Variants in LRRC7 observed in about 807,000 individuals in gnomAD.
LRRC7 encodes leucine rich repeat containing 7, also known as leucine-rich repeat-containing protein 7.
Under a neutral mutation model 175.7 loss-of-function variants are expected in LRRC7, and 23 were observed. The ratio of observed to expected loss-of-function variants is 0.13; its 90% CI spans 0.09 to 0.19. The LOEUF is 0.19. Ranked by LOEUF, LRRC7 falls within the 10% of genes least tolerant of loss-of-function variation. The probability of loss-of-function intolerance (pLI) is 1.00; values close to 1 mark genes in which losing one functional copy is unlikely to be tolerated. For missense variants in LRRC7, 1,354 were observed against 1,904.7 expected (o/e 0.71, Z 5.38); for synonymous variants, 685 against 680.9 (o/e 1.01, Z -0.09).
At chr1:69,597,016 A>AT (rs1003114279) in intron 1 of LRRC7, among the ~76,000 whole-genome samples, 17 of 152,334 alleles carry the variant, frequency 1.1e-4, no homozygotes, top group African/African-American at 3.4e-4. Flanking sequence ...TTAACTGATG[A>AT]TTTTATATAA....
chr1:69,987,788 C>T (rs1654073421), intron 10 of LRRC7, among the ~76,000 whole-genome samples: 1 of 152,124 alleles, frequency 6.6e-6, no homozygotes, highest in Non-Finnish European at 1.5e-5. Flanking sequence ...AAATTGTGGT[C>T]CATCGTTTCT....
At chr1:69,873,879 G>C (rs1348573205) in intron 7 of LRRC7, 1 of 152,894 alleles carries the variant, frequency 6.5e-6, no homozygotes, top group African/African-American at 2.4e-5. Context: ...TTATGTTAAG[G>C]TGCTTTTGTG....
chr1:69,713,075 A>C (rs1349429510), intron 2 of LRRC7, among the ~76,000 whole-genome samples: 1 of 152,196 alleles, frequency 6.6e-6, no homozygotes, highest in Non-Finnish European at 1.5e-5. Flanking sequence ...TATTTTTAAG[A>C]TATCACTTTC....
intron 3 of LRRC7, among the ~76,000 whole-genome samples, chr1:69,776,385 G>A (rs562026578): frequency 6.6e-6 from 1 of 152,242 alleles, no homozygotes; most frequent in South Asian, 2.1e-4. Context: ...AATGATAGTT[G>A]CACTTTCCAG....
intron 20 of LRRC7, 42 bp from the exon 21 acceptor site, chr1:70,038,071 C>T: frequency 1.3e-6 from 2 of 1,547,690 alleles, no homozygotes; most frequent in Non-Finnish European, 1.7e-6. Flanking sequence ...AAAGACCCAA[C>T]TCTTCGTCCT....
At chr1:69,660,608 A>G (rs555007794) in intron 1 of LRRC7, among the ~76,000 whole-genome samples, 10 of 152,238 alleles carry the variant, frequency 6.6e-5, no homozygotes, top group Non-Finnish European at 1.3e-4. Context: ...CCCCTGAAAA[A>G]GTAACATTTG....
At chr1:69,976,935 C>T (rs1225933173) in intron 8 of LRRC7, among the ~76,000 whole-genome samples, 3 of 143,056 alleles carry the variant, frequency 2.1e-5, no homozygotes, top group Admixed American at 1.4e-4. Flanking sequence ...ATTCTCTAAG[C>T]TTCAGATTTT....
chr1:69,796,584 A>G (rs1159696257), intron 4 of LRRC7, among the ~76,000 whole-genome samples: 1 of 152,092 alleles, frequency 6.6e-6, no homozygotes, highest in Non-Finnish European at 1.5e-5. Context: ...CGGGAGTTCG[A>G]GACCAGCCTA....
At position 69,568,536 on chromosome 1, in the gene LRRC7, C is replaced by A; in HGVS notation, c.-104C>A. The A allele has an allele frequency of 8.7e-7, 1 of 1,145,244 alleles. No homozygotes were observed. Among genetic ancestry groups the A allele is most frequent in the Non-Finnish European group, 1.2e-6 (1 of 850,270 alleles). 70.9% of individuals were successfully genotyped at this position (1,145,244 alleles called of 1,614,324 possible). A position where few individuals can be genotyped will look rare whatever the true frequency, so the allele number is the denominator to read the frequency against. On this transcript the variant is annotated 5_prime_UTR_variant, in exon 1 of 27. In the 5' UTR this introduces an upstream ATG that the reference lacks. Transcript: ENST00000651989. ...TCCCTCCTCTTCTCCTCCGAAGACC[C>A]TGGCGCCCACTCCACTGCGGACCCC...
rs535028708 is a variant in LRRC7, at chr1:69,779,031, TACAC to T, written c.304-12998_304-12995del. Among the ~76,000 whole-genome samples the T allele has an allele frequency of 1.2e-3, 174 of 143,540 alleles. 1 individual carries two copies. The highest frequency in any genetic ancestry group is 4.0e-3 in the African/African-American group (160 of 39,888). The allele number at this position is 143,540 out of a possible 152,430, so 94.2% of individuals were successfully genotyped here. On this transcript the variant is annotated intron_variant, in intron 3 of 26. Coordinates refer to ENST00000651989, the MANE Select transcript of LRRC7 (RefSeq NM_001370785.2). ...ACACACACACAAACATATATATATA[TACAC>T]ACACACACACACAGATACATACACA...
At chr1:69,734,362 T>C (rs1667891396) in intron 2 of LRRC7, among the ~76,000 whole-genome samples, 1 of 151,886 alleles carries the variant, frequency 6.6e-6, no homozygotes, top group African/African-American at 2.4e-5. Flanking sequence ...CTCTTAGAAA[T>C]ACATAGCAAA....
intron 3 of LRRC7, 125 bp from the exon 4 acceptor site, chr1:69,791,918 T>A: frequency 1.6e-6 from 1 of 609,180 alleles, no homozygotes; most frequent in Non-Finnish European, 2.9e-6. Flanking sequence ...TGGAGGGAAG[T>A]GAGGCTTTTA....
chr1:69,667,494 G>T (rs933997093), intron 1 of LRRC7, among the ~76,000 whole-genome samples: 2 of 152,032 alleles, frequency 1.3e-5, no homozygotes, highest in Admixed American at 1.3e-4. Context: ...TCCTGTACTG[G>T]ATGCGTATTT....
intron 7 of LRRC7, among the ~76,000 whole-genome samples, chr1:69,853,414 G>A (rs1683223875): frequency 6.6e-6 from 1 of 151,250 alleles, no homozygotes; most frequent in Non-Finnish European, 1.5e-5. Flanking sequence ...GAGTAGCTGG[G>A]ACTACAGGCA....
At chr1:69,606,525 T>A (rs1647610180) in intron 1 of LRRC7, among the ~76,000 whole-genome samples, 1 of 152,128 alleles carries the variant, frequency 6.6e-6, no homozygotes, top group African/African-American at 2.4e-5. Context: ...TAATTTCCAA[T>A]GATGTCACTG....
chr1:70,041,792 T>G (rs1659920736), intron 21 of LRRC7, among the ~76,000 whole-genome samples: 1 of 152,220 alleles, frequency 6.6e-6, no homozygotes, highest in Non-Finnish European at 1.5e-5. Flanking sequence ...CCCAGATCAA[T>G]GGTTCCTCTC....
At chr1:69,801,248 T>C (rs1676447861) in intron 4 of LRRC7, among the ~76,000 whole-genome samples, 1 of 151,848 alleles carries the variant, frequency 6.6e-6, no homozygotes, top group Non-Finnish European at 1.5e-5. Context: ...TTATGGAGAA[T>C]TCCTTCCTCC....
chr1:69,751,413 G>C (rs1406735686), intron 2 of LRRC7, among the ~76,000 whole-genome samples: 1 of 151,958 alleles, frequency 6.6e-6, no homozygotes, highest in Non-Finnish European at 1.5e-5. Flanking sequence ...GTCTGAATTA[G>C]ATTGACTGAA....
intron 7 of LRRC7, among the ~76,000 whole-genome samples, chr1:69,896,777 C>G (rs1273513306): frequency 2.0e-5 from 3 of 152,062 alleles, no homozygotes; most frequent in Non-Finnish European, 4.4e-5. Context: ...GAAAGTCTAA[C>G]TTTTCAGCTT....
Sources: allele counts gnomAD v4.1 joint callset (sites outside exome capture counted in the v4.1 genomes callset), GRCh38; gene constraint gnomAD v4.1.1; transcripts MANE v1.5; gene names NCBI Gene and HGNC (gene_info 2026-07-23, HGNC 2026-07-21).